Variants in EPAS1 observed in about 807,000 individuals in gnomAD.
EPAS1 encodes endothelial PAS domain protein 1.
Under a neutral mutation model 87.9 loss-of-function variants are expected in EPAS1, and 23 were observed. The observed-to-expected ratio is 0.26, with a 90% confidence interval of 0.19 to 0.37. The LOEUF (loss-of-function observed/expected upper bound fraction) is 0.37, where lower values mean the gene tolerates loss of function less well. EPAS1 is among the 10% of genes least tolerant of loss of function. EPAS1 has a pLI of 1.00. For synonymous variants in EPAS1, 508 were observed against 444.3 expected (o/e 1.14, Z -1.80); for missense variants, 1,138 against 1,120.7 (o/e 1.02, Z -0.22).
At chr2:46,322,371 A>G (rs1457176917) in intron 1 of EPAS1, among the ~76,000 whole-genome samples, 2 of 152,194 alleles carry the variant, frequency 1.3e-5, no homozygotes, top group African/African-American at 2.4e-5. Flanking sequence ...CTGATAAAAC[A>G]TAACTTCTAT....
At chr2:46,361,535 T>C (rs573572456) in intron 6 of EPAS1, among the ~76,000 whole-genome samples, 2 of 152,242 alleles carry the variant, frequency 1.3e-5, no homozygotes, top group Admixed American at 1.3e-4. Context: ...CCCTCCGCCT[T>C]GTTCCTTCCT....
At chr2:46,368,054 A>G (rs1187525119) in intron 6 of EPAS1, among the ~76,000 whole-genome samples, 1 of 152,224 alleles carries the variant, frequency 6.6e-6, no homozygotes, top group African/African-American at 2.4e-5. Context: ...GAGAAAATCA[A>G]TCTACTGGTC....
chr2:46,334,170 A>G (rs6726570), intron 1 of EPAS1, among the ~76,000 whole-genome samples: 98,901 of 152,064 alleles, frequency 0.65, 34,746 homozygotes, highest in East Asian at 0.97. Flanking sequence ...CCAAAGCATG[A>G]CCAGCAGGAG....
intron 1 of EPAS1, among the ~76,000 whole-genome samples, chr2:46,305,851 G>A (rs773688476): frequency 2.0e-5 from 3 of 152,240 alleles, no homozygotes; most frequent in Non-Finnish European, 2.9e-5. Context: ...GATCCATTAT[G>A]TTGTACTCAT....
chr2:46,306,305 G>A (rs1009540065), intron 1 of EPAS1, among the ~76,000 whole-genome samples: 46 of 152,128 alleles, frequency 3.0e-4, no homozygotes. Flanking sequence ...TGGTTAGGGG[G>A]CAGGGAGCAA....
chr2:46,349,308 C>G (rs980951776), intron 2 of EPAS1, among the ~76,000 whole-genome samples: 2 of 152,174 alleles, frequency 1.3e-5, no homozygotes, highest in African/African-American at 4.8e-5. Context: ...CTCAGTGGTT[C>G]AAAGGTTGGC....
Position 46,383,874 on chromosome 2 carries a change from G to A in EPAS1, c.2462-635G>A, listed in dbSNP as rs115033253. On this transcript the variant is annotated intron_variant, in intron 15 of 15. Coordinates refer to ENST00000263734, the MANE Select transcript of EPAS1 (RefSeq NM_001430.5). ...TGCAGGAGGCAATGGCCACTGGAAC[G>A]AGGCTCTGCAGATAAGGGAAGGTGG... 4.7e-3 allele frequency among the ~76,000 whole-genome samples: 720 copies of A among 152,286 alleles called. 3 individuals carry two copies. The highest frequency in any genetic ancestry group is 0.017 in the African/African-American group (693 of 41,558).
chr2:46,313,438 GTTATTTAT>G (rs34298350), intron 1 of EPAS1, among the ~76,000 whole-genome samples: 12 of 148,660 alleles, frequency 8.1e-5, no homozygotes, highest in Admixed American at 4.0e-4. Context: ...CCCACATGTT[GTTATTTAT>G]TTATTTATTT....
At chr2:46,349,732 T>A (rs541750855) in intron 2 of EPAS1, among the ~76,000 whole-genome samples, 54 of 152,370 alleles carry the variant, frequency 3.5e-4, no homozygotes, top group African/African-American at 1.3e-3. Flanking sequence ...CTGACTTCTC[T>A]CCCAGGCTCC....
At chr2:46,377,793 C>T (rs1030251748) in intron 9 of EPAS1, 101 bp from the exon 10 acceptor site, 2 of 1,547,982 alleles carry the variant, frequency 1.3e-6, no homozygotes, top group African/African-American at 1.4e-5. Flanking sequence ...GCATGCCTTC[C>T]AGACCCTCTT....
At chr2:46,362,351 C>A (rs895714486) in intron 6 of EPAS1, among the ~76,000 whole-genome samples, 15 of 152,206 alleles carry the variant, frequency 9.9e-5, no homozygotes, top group Non-Finnish European at 2.1e-4. Flanking sequence ...CCAGACACCA[C>A]AACACATGTG....
chr2:46,365,925 C>T (rs1684490581), intron 6 of EPAS1, among the ~76,000 whole-genome samples: 1 of 152,218 alleles, frequency 6.6e-6, no homozygotes, highest in Non-Finnish European at 1.5e-5. Flanking sequence ...TTAGCAGATA[C>T]ATTCTTTGGA....
chr2:46,322,057 T>C lies in EPAS1; in HGVS notation c.26+24120T>C, dbSNP rs141007170. ...ATGTATAGGTACCCTTCCCTGAAAT[T>C]CTTCCCTGAGAATAATTATTGTTGT... On this transcript the variant is annotated intron_variant, in intron 1 of 15. Transcript: ENST00000263734. 3.2e-3 allele frequency among the ~76,000 whole-genome samples: 481 copies of C among 152,242 alleles called. 1 individual carries two copies. Among genetic ancestry groups the C allele is most frequent in the African/African-American group, 0.011 (439 of 41,530 alleles).
chr2:46,322,145 C>T (rs938817213), intron 1 of EPAS1, among the ~76,000 whole-genome samples: 5 of 152,208 alleles, frequency 3.3e-5, no homozygotes, highest in African/African-American at 1.2e-4. Context: ...ATCTCCCAGA[C>T]ATCTTGCCAA....
chr2:46,355,692 A>G (rs1309017364), intron 2 of EPAS1, among the ~76,000 whole-genome samples: 2 of 152,232 alleles, frequency 1.3e-5, no homozygotes. Flanking sequence ...TCATAAGTAA[A>G]TGTCTTTGGA....
chr2:46,366,437 C>A (rs1412921976), intron 6 of EPAS1, among the ~76,000 whole-genome samples: 1 of 152,176 alleles, frequency 6.6e-6, no homozygotes, highest in Non-Finnish European at 1.5e-5. Flanking sequence ...ATTTAACAAC[C>A]CCCTTTAAAG....
At position 46,360,637 on chromosome 2, in the gene EPAS1, G is replaced by C; in HGVS notation, c.455-1G>C. ...GGTTCTTCCCATCCTTCCACATCCAGGCTCTGGTTTTGGGAAAAAAAGCAA... is the reference window on the plus strand; with the variant it reads ...GGTTCTTCCCATCCTTCCACATCCACGCTCTGGTTTTGGGAAAAAAAGCAA... On this transcript the variant is annotated splice_acceptor_variant, in intron 4 of 15. Transcript: ENST00000263734. LOFTEE classifies it high-confidence loss of function. The surrounding 1 kb of genome is among the most constrained non-coding windows in gnomAD (Gnocchi z 4.5). 6.2e-7 allele frequency: 1 copy of C among 1,613,696 alleles called. No homozygotes were observed. Among genetic ancestry groups the C allele is most frequent in the Non-Finnish European group, 8.5e-7 (1 of 1,179,766 alleles).
At chr2:46,342,056 C>T (rs1350348766) in intron 1 of EPAS1, among the ~76,000 whole-genome samples, 1 of 152,180 alleles carries the variant, frequency 6.6e-6, no homozygotes, top group Non-Finnish European at 1.5e-5. Flanking sequence ...TCAGCCCTGG[C>T]TACACGTGGG....
Position 46,375,498 on chromosome 2 carries a change from T to C in EPAS1, c.887-192T>C, listed in dbSNP as rs1684724757. 2.1e-5 allele frequency: 14 copies of C among 668,716 alleles called. 1 individual carries two copies. The South Asian group carries it at 2.2e-4, about 10-fold the overall frequency. 41.4% of individuals were successfully genotyped at this position (668,716 alleles called of 1,614,324 possible). A position where few individuals can be genotyped will look rare whatever the true frequency, so the allele number is the denominator to read the frequency against. ...CCTCTTCTCACCTCTTTTTCCTATATTTAAAATGAAGAGTTGGCTGAGGTG... is the reference window on the plus strand; with the variant it reads ...CCTCTTCTCACCTCTTTTTCCTATACTTAAAATGAAGAGTTGGCTGAGGTG... On this transcript the variant is annotated intron_variant, in intron 7 of 15. Transcript: ENST00000263734. This position sits in a 1 kb window ranked among gnomAD's most constrained non-coding sequence, Gnocchi z 4.1.
Sources: gnomAD v4.1 joint callset for allele counts (sites outside exome capture counted in the v4.1 genomes callset) on GRCh38, gnomAD v4.1.1 for gene constraint, Gnocchi (gnomAD v3.1) non-coding constraint, MANE v1.5 for transcripts, NCBI Gene and HGNC (gene_info 2026-07-23, HGNC 2026-07-21) for gene names.